The following NDUFAF6 variants were observed in gnomAD, a reference collection of about 807,000 sequenced individuals.
NDUFAF6 encodes NADH dehydrogenase (ubiquinone) complex I, assembly factor 6.
Under a neutral mutation model 40.8 loss-of-function variants are expected in NDUFAF6, and 45 were observed. That is an observed-to-expected ratio of 1.10 (90% CI 0.87 to 1.42). The LOEUF (loss-of-function observed/expected upper bound fraction) is 1.42. Among genes scored for constraint, NDUFAF6 ranks in the 40% most tolerant of loss-of-function variants. The pLI is 0.00. For missense variants in NDUFAF6, 435 were observed against 418.5 expected (o/e 1.04, Z -0.34); for synonymous variants, 185 against 155.9 (o/e 1.19, Z -1.39).
intron 1 of NDUFAF6, among the ~76,000 whole-genome samples, chr8:94,941,562 T>C (rs1407517715): frequency 6.6e-6 from 1 of 152,242 alleles, no homozygotes; most frequent in Admixed American, 6.5e-5. Context: ...GCACACCTGA[T>C]TACACTTAAA....
Position 95,005,553 on chromosome 8 carries a change from A to ATG in NDUFAF6, c.-84+24580_-84+24581insTG, listed in dbSNP as rs60157067. Among the ~76,000 whole-genome samples, 292 of 124,348 alleles carry ATG rather than the reference A, an allele frequency of 2.3e-3. 18 individuals are homozygous for ATG. Among genetic ancestry groups the ATG allele is most frequent in the African/African-American group, 9.1e-3 (277 of 30,466 alleles). 81.6% of individuals were successfully genotyped at this position (124,348 alleles called of 152,430 possible). ...TATATATATATATATATATATATAT[A>ATG]AAAAATATATTAACATAAATAATAT... On this transcript the variant is annotated intron_variant, in intron 2 of 9. Transcript: ENST00000396111.
chr8:94,913,532 C>T (rs1818923825), intron 1 of NDUFAF6, among the ~76,000 whole-genome samples: 1 of 152,202 alleles, frequency 6.6e-6, no homozygotes, highest in Non-Finnish European at 1.5e-5. Flanking sequence ...CGCAGTGGCT[C>T]ACGCCGGTAA....
chr8:94,950,944 T>C (rs529546797), intron 2 of NDUFAF6: 1 of 152,332 alleles, frequency 6.6e-6, no homozygotes, highest in Admixed American at 6.5e-5. Context: ...CAATATGAAG[T>C]AGATCATTTT....
chr8:95,082,257 A>T (rs1808895572), intron 2 of NDUFAF6, among the ~76,000 whole-genome samples: 1 of 152,146 alleles, frequency 6.6e-6, no homozygotes, highest in Non-Finnish European at 1.5e-5. Context: ...CAGGAGGATC[A>T]CTTGAGCCCA....
At chr8:95,066,673 T>C (rs1429809028) in intron 9 of NDUFAF6, 2 of 152,202 alleles carry the variant, frequency 1.3e-5, no homozygotes, top group East Asian at 3.8e-4. Context: ...TTTCCTTTTT[T>C]GTTTTCCTCC....
chr8:94,995,124 G>C (rs1370904229), intron 2 of NDUFAF6, among the ~76,000 whole-genome samples: 2 of 152,182 alleles, frequency 1.3e-5, no homozygotes, highest in African/African-American at 4.8e-5. Flanking sequence ...TGTACATACA[G>C]TGGAATATTA....
chr8:95,009,621 A>G lies in NDUFAF6; in HGVS notation c.-83-22374A>G, dbSNP rs530869342. On this transcript the variant is annotated intron_variant, in intron 2 of 9. Coordinates refer to the NDUFAF6 transcript ENST00000396111. ...TTCCTAAGAGGCTGAGAAAGCTCAC[A>G]TAACCCCATCTGCTTCGGGCCAGCC... is the stretch of plus-strand genomic sequence containing the variant. 5.4e-4 allele frequency among the ~76,000 whole-genome samples: 83 copies of G among 152,330 alleles called. 1 individual carries two copies. The South Asian group carries it at 0.012, about 23-fold the overall frequency.
intron 1 of NDUFAF6, chr8:94,925,945 T>A (rs1319024022): frequency 6.6e-6 from 1 of 152,522 alleles, no homozygotes; most frequent in Non-Finnish European, 1.5e-5. Flanking sequence ...TATTAATGAG[T>A]ATAAAGATAA....
rs559156446 is a variant in NDUFAF6 at position 95,039,109 on chromosome 8, C to T, written c.421-2461C>T. On this transcript the variant is annotated intron_variant, in intron 3 of 8. Coordinates refer to ENST00000396124, the MANE Select transcript of NDUFAF6 (RefSeq NM_152416.4). ...CTCCTACCTCAGCCTCCCAAGTAGCCGGGACTACAGTTACCCGCCACCATG... is the reference window on the plus strand; with the variant it reads ...CTCCTACCTCAGCCTCCCAAGTAGCTGGGACTACAGTTACCCGCCACCATG... Among the ~76,000 whole-genome samples the T allele has an allele frequency of 3.8e-3, 573 of 151,506 alleles. 5 individuals are homozygous for T. The highest frequency in any genetic ancestry group is 0.013 in the African/African-American group (552 of 41,324).
chr8:95,050,198 A>C (rs1831271924), intron 7 of NDUFAF6, among the ~76,000 whole-genome samples: 1 of 152,222 alleles, frequency 6.6e-6, no homozygotes. Flanking sequence ...CACCTAAGAA[A>C]TACCGATTCC....
intron 1 of NDUFAF6, among the ~76,000 whole-genome samples, chr8:94,932,808 TA>T (rs749341346): frequency 7.1e-5 from 10 of 140,740 alleles, no homozygotes; most frequent in South Asian, 2.2e-4. Context: ...GTCTCAAAAA[TA>T]AAAAAAAAAG....
intron 1 of NDUFAF6, among the ~76,000 whole-genome samples, chr8:94,965,128 CCTGAGGCT>C (rs1823905214): frequency 1.3e-5 from 2 of 152,112 alleles, no homozygotes; most frequent in Non-Finnish European, 2.9e-5. Context: ...CCCAGTCGGC[CCTGAGGCT>C]GAGAACAGAT....
chr8:95,109,587 TAGAG>T (rs71695882), intron 4 of NDUFAF6, among the ~76,000 whole-genome samples: 6,323 of 142,238 alleles, frequency 0.044, 149 homozygotes, highest in African/African-American at 0.065. Flanking sequence ...GATAGATAGA[TAGAG>T]AGAGAGAGAG....
At chr8:95,079,160 C>T (rs1006215944), downstream of NDUFAF6, among the ~76,000 whole-genome samples, 9 of 151,828 alleles carry the variant, frequency 5.9e-5, no homozygotes, top group East Asian at 7.7e-4. Context: ...TTAGTAGAGA[C>T]GGGATTTCTC....
intron 3 of NDUFAF6, among the ~76,000 whole-genome samples, chr8:95,040,089 T>G (rs1396633389): frequency 1.3e-5 from 2 of 152,254 alleles, no homozygotes; most frequent in Non-Finnish European, 2.9e-5. Flanking sequence ...AATTGTCTTG[T>G]CTCTGTAGTT....
intron 1 of NDUFAF6, among the ~76,000 whole-genome samples, chr8:94,898,101 TCCCCTCTCCCA>T (rs1453422799): frequency 6.6e-6 from 1 of 152,160 alleles, no homozygotes; most frequent in Non-Finnish European, 1.5e-5. Flanking sequence ...ATATACTCAC[TCCCCTCTCCCA>T]CCCACCACAC....
At chr8:95,032,544 C>G (rs190946357) in intron 2 of NDUFAF6, among the ~76,000 whole-genome samples, 26 of 152,300 alleles carry the variant, frequency 1.7e-4, no homozygotes, top group Non-Finnish European at 2.5e-4. Flanking sequence ...CATACTAATT[C>G]ACTTTTGTCT....
chr8:95,078,343 T>G (rs1022246042), downstream of NDUFAF6, among the ~76,000 whole-genome samples: 1 of 152,074 alleles, frequency 6.6e-6, no homozygotes, highest in African/African-American at 2.4e-5. Flanking sequence ...ATAGTTTCAC[T>G]GCCTTTAAAA....
At position 95,052,274 on chromosome 8, in the gene NDUFAF6, T is replaced by C. The variant is rs973215395; in HGVS notation, c.873+44T>C. ...AAGGCTGTATAATTAGTGAAGCAGA[T>C]GTGTATGATCTGTTTTTATATTTTA... is the stretch of plus-strand genomic sequence containing the variant. On this transcript the variant is annotated intron_variant, in intron 8 of 8. Coordinates refer to ENST00000396124, the MANE Select transcript of NDUFAF6 (RefSeq NM_152416.4). The C allele has an allele frequency of 1.9e-6, 3 of 1,572,398 alleles. No individual in the cohort carries two copies. In the African/African-American group the frequency reaches 4.1e-5, roughly 21 times the overall value.
Sources: allele counts gnomAD v4.1 joint callset (sites outside exome capture counted in the v4.1 genomes callset), GRCh38; gene constraint gnomAD v4.1.1; transcripts MANE v1.5; gene names NCBI Gene and HGNC (gene_info 2026-07-23, HGNC 2026-07-21).